The following SEMA3D variants were observed in gnomAD, a reference collection of about 807,000 sequenced individuals.
The protein encoded by SEMA3D is semaphorin 3D.
A neutral mutation model predicts 100.1 loss-of-function variants in SEMA3D; 84 were observed. The ratio of observed to expected loss-of-function variants is 0.84; its 90% CI spans 0.70 to 1.01. The LOEUF is 1.01. Ranked by LOEUF, SEMA3D falls within the 50% of genes least tolerant of loss-of-function variation. The pLI is 0.00. For missense variants in SEMA3D, 875 were observed against 934.1 expected (o/e 0.94, Z 0.82); for synonymous variants, 312 against 320.7 (o/e 0.97, Z 0.29).
At chr7:85,102,519 C>A (rs545003206) in intron 3 of SEMA3D, among the ~76,000 whole-genome samples, 66 of 152,070 alleles carry the variant, frequency 4.3e-4, no homozygotes, top group African/African-American at 1.5e-3. Flanking sequence ...ATAAAGCCAG[C>A]ATCTAGATGA....
intron 3 of SEMA3D, among the ~76,000 whole-genome samples, chr7:85,115,866 G>A (rs192020665): frequency 3.8e-3 from 583 of 152,176 alleles, no homozygotes; most frequent in Non-Finnish European, 6.2e-3. Context: ...TGAATGGTAA[G>A]TGCATGTTTA....
intron 9 of SEMA3D, among the ~76,000 whole-genome samples, chr7:85,052,826 GATA>G (rs1325183011): frequency 4.0e-5 from 6 of 151,750 alleles, no homozygotes; most frequent in Non-Finnish European, 7.4e-5. Context: ...GAAATAATTA[GATA>G]ATAAAATAAT....
intron 3 of SEMA3D, among the ~76,000 whole-genome samples, chr7:85,114,798 G>A (rs541581192): frequency 1.3e-5 from 2 of 152,106 alleles, no homozygotes; most frequent in Non-Finnish European, 2.9e-5. Context: ...TGAAAATTTA[G>A]AGAAAGATAA....
chr7:85,200,080 T>G, the SEMA3D span, among the ~76,000 whole-genome samples: 1 of 152,216 alleles, frequency 6.6e-6, no homozygotes, highest in Non-Finnish European at 1.5e-5. Context: ...TAAACCTGTT[T>G]CTTTTGTAAA....
the SEMA3D span, among the ~76,000 whole-genome samples, chr7:85,244,557 A>G: frequency 6.6e-6 from 1 of 152,166 alleles, no homozygotes; most frequent in Non-Finnish European, 1.5e-5. Flanking sequence ...ATAAACTGCA[A>G]ATCTCTAGGT....
the SEMA3D span, among the ~76,000 whole-genome samples, chr7:85,234,820 G>C: frequency 1.3e-5 from 2 of 152,146 alleles, no homozygotes; most frequent in Non-Finnish European, 2.9e-5. Context: ...AGGATTTATA[G>C]CTTGGCAAAA....
intron 8 of SEMA3D, among the ~76,000 whole-genome samples, chr7:85,056,066 C>G (rs1346183734): frequency 6.6e-6 from 1 of 151,926 alleles, no homozygotes; most frequent in Non-Finnish European, 1.5e-5. Context: ...AACAAGTTCT[C>G]CAGGAATTCC....
At chr7:85,050,764 A>C in intron 9 of SEMA3D, 1 of 516,554 alleles carries the variant, frequency 1.9e-6, no homozygotes, top group Non-Finnish European at 3.4e-6. Flanking sequence ...AAGATAAAGA[A>C]AAATAATAAT....
Position 85,042,194 on chromosome 7 carries a change from G to A in SEMA3D, c.953C>T (p.Ala318Val), listed in dbSNP as rs138659238. 6.2e-7 allele frequency: 1 copy of A among 1,612,514 alleles called. No individual in the cohort carries two copies. Residue 318 changes from alanine (A) to valine (V), a missense_variant, in exon 10 of 19, where the codon GCA becomes GTA. By Grantham distance (64) the Ala-to-Val change is moderately conservative. Coordinates refer to ENST00000284136, the MANE Select transcript of SEMA3D (RefSeq NM_001384900.1). ...LICSIPGSDGADTYFDELQDI... is the reference protein window; with the variant it reads ...LICSIPGSDGVDTYFDELQDI... ...ACGAAGCTCATCAAAGTAAGTATCTGCCCCATCACTTCCAGGAATTGAGCA... is the reference window on the plus strand; with the variant it reads ...ACGAAGCTCATCAAAGTAAGTATCTACCCCATCACTTCCAGGAATTGAGCA...
intron 3 of SEMA3D, among the ~76,000 whole-genome samples, chr7:85,120,176 A>G (rs1337232098): frequency 6.6e-6 from 1 of 152,006 alleles, no homozygotes; most frequent in Non-Finnish European, 1.5e-5. Context: ...CTAGTTGAAG[A>G]GTTGTTTATG....
the SEMA3D span, among the ~76,000 whole-genome samples, chr7:85,245,390 A>G: frequency 6.6e-6 from 1 of 152,228 alleles, no homozygotes; most frequent in Admixed American, 6.5e-5. Flanking sequence ...ATTTAAGCAT[A>G]GCACAGTATT....
intron 1 of SEMA3D, among the ~76,000 whole-genome samples, chr7:85,180,027 T>C (rs1440176663): frequency 1.3e-5 from 2 of 152,126 alleles, no homozygotes; most frequent in African/African-American, 2.4e-5. Context: ...AAAAGCATAA[T>C]TGTGTTTTGA....
intron 5 of SEMA3D, among the ~76,000 whole-genome samples, chr7:85,074,008 T>C (rs956009207): frequency 1.3e-5 from 2 of 152,328 alleles, no homozygotes; most frequent in Admixed American, 1.3e-4. Context: ...ATTCTTGTTA[T>C]TGTATATTAT....
intron 1 of SEMA3D, among the ~76,000 whole-genome samples, chr7:85,155,634 C>T (rs1166187532): frequency 2.0e-5 from 3 of 152,128 alleles, no homozygotes; most frequent in Non-Finnish European, 4.4e-5. Flanking sequence ...CATTTAGGTA[C>T]TATAAAACAG....
At chr7:85,122,243 A>AAAAC (rs946994802) in intron 2 of SEMA3D, among the ~76,000 whole-genome samples, 1 of 151,874 alleles carries the variant, frequency 6.6e-6, no homozygotes, top group African/African-American at 2.4e-5. Flanking sequence ...AAAAAAAAAA[A>AAAAC]ACTATTAAGA....
At chr7:85,148,650 T>C (rs766919512) in intron 2 of SEMA3D, among the ~76,000 whole-genome samples, 57 of 152,176 alleles carry the variant, frequency 3.7e-4, no homozygotes, top group Non-Finnish European at 7.2e-4. Context: ...TGAGAAGATA[T>C]AGTTATCTTC....
the SEMA3D span, among the ~76,000 whole-genome samples, chr7:85,212,859 C>T: frequency 6.6e-6 from 1 of 151,958 alleles, no homozygotes; most frequent in South Asian, 2.1e-4. Context: ...ACATTTCAGG[C>T]AAAATATCTG....
chr7:85,226,980 C>T, the SEMA3D span, among the ~76,000 whole-genome samples: 1 of 152,044 alleles, frequency 6.6e-6, no homozygotes, highest in Non-Finnish European at 1.5e-5. Flanking sequence ...GCGCAATGAC[C>T]TTTATGTGCT....
intron 2 of SEMA3D, among the ~76,000 whole-genome samples, chr7:85,146,088 G>T (rs1464801928): frequency 6.6e-6 from 1 of 151,876 alleles, no homozygotes; most frequent in Non-Finnish European, 1.5e-5. Flanking sequence ...GATACAGAGG[G>T]CTAATTGTAC....
Sources: allele counts gnomAD v4.1 joint callset (sites outside exome capture counted in the v4.1 genomes callset), GRCh38; gene constraint gnomAD v4.1.1; transcripts MANE v1.5; gene names NCBI Gene and HGNC (gene_info 2026-07-23, HGNC 2026-07-21).